Variants in NELL1 observed in about 807,000 individuals in gnomAD.
The protein encoded by NELL1 is protein kinase C-binding protein NELL1.
A neutral mutation model predicts 107.4 loss-of-function variants in NELL1; 76 were observed. The ratio of observed to expected loss-of-function variants is 0.71; its 90% CI spans 0.59 to 0.86. The LOEUF (loss-of-function observed/expected upper bound fraction) is 0.86. NELL1 is among the 40% of genes least tolerant of loss of function. The pLI, the probability that NELL1 is intolerant of heterozygous loss-of-function variation, is 0.00. For missense variants in NELL1, 1,024 were observed against 1,005.5 expected (o/e 1.02, Z -0.25); for synonymous variants, 353 against 341.2 (o/e 1.03, Z -0.38).
chr11:21,321,252 C>G (rs1850002737), intron 14 of NELL1, among the ~76,000 whole-genome samples: 1 of 152,082 alleles, frequency 6.6e-6, no homozygotes, highest in African/African-American at 2.4e-5. Flanking sequence ...CCTTCATTTC[C>G]TACCCAGCAT....
At chr11:21,146,525 AGGGAAGAAACT>A (rs1750837510) in intron 13 of NELL1, among the ~76,000 whole-genome samples, 1 of 152,154 alleles carries the variant, frequency 6.6e-6, no homozygotes, top group South Asian at 2.1e-4. Flanking sequence ...CCAAACTAGG[AGGGAAGAAACT>A]GGGAAGAATT....
At chr11:20,992,803 C>A (rs1852005842) in intron 12 of NELL1, among the ~76,000 whole-genome samples, 2 of 150,554 alleles carry the variant, frequency 1.3e-5, no homozygotes. Context: ...CAACCTCCAC[C>A]TCCTGGGTTC....
chr11:21,311,467 A>G (rs1405578277), intron 14 of NELL1, among the ~76,000 whole-genome samples: 1 of 152,086 alleles, frequency 6.6e-6, no homozygotes, highest in Non-Finnish European at 1.5e-5. Context: ...GCTTTTTTAT[A>G]TTTGCATAAA....
intron 17 of NELL1, among the ~76,000 whole-genome samples, chr11:21,563,625 G>C (rs1436223898): frequency 6.6e-6 from 1 of 151,984 alleles, no homozygotes; most frequent in Admixed American, 6.6e-5. Flanking sequence ...AAGTATATGG[G>C]AGGATATGCA....
chr11:20,783,173 G>T (rs1029365920), intron 2 of NELL1, among the ~76,000 whole-genome samples: 10 of 152,218 alleles, frequency 6.6e-5, no homozygotes, highest in Non-Finnish European at 1.3e-4. Flanking sequence ...TATATCCATT[G>T]TGGGGAGAAG....
chr11:21,313,111 T>C (rs1849786505), intron 14 of NELL1, among the ~76,000 whole-genome samples: 1 of 151,936 alleles, frequency 6.6e-6, no homozygotes. Context: ...ATGAGACAGA[T>C]CCCTTGTCAG....
chr11:20,966,668 T>C (rs2134223106), intron 12 of NELL1, among the ~76,000 whole-genome samples: 1 of 152,206 alleles, frequency 6.6e-6, no homozygotes, highest in South Asian at 2.1e-4. Flanking sequence ...TTGTTCTGGA[T>C]AACTAACATG....
intron 14 of NELL1, among the ~76,000 whole-genome samples, chr11:21,298,146 G>A (rs995315960): frequency 6.6e-6 from 1 of 151,968 alleles, no homozygotes; most frequent in Non-Finnish European, 1.5e-5. Context: ...TCTATGAAAT[G>A]TTTTTGTTTC....
chr11:20,743,409 G>A (rs1436695615), intron 2 of NELL1, among the ~76,000 whole-genome samples: 3 of 152,060 alleles, frequency 2.0e-5, no homozygotes, highest in African/African-American at 7.2e-5. Context: ...TTTGTGCAGG[G>A]AACAAGACTC....
intron 5 of NELL1, among the ~76,000 whole-genome samples, chr11:20,912,496 T>A (rs1046456282): frequency 6.6e-6 from 1 of 152,122 alleles, no homozygotes; most frequent in African/African-American, 2.4e-5. Context: ...AATAAAAAAA[T>A]GAGCCGAGGT....
intron 15 of NELL1, among the ~76,000 whole-genome samples, chr11:21,396,290 A>T (rs528885650): frequency 2.2e-4 from 33 of 151,776 alleles, no homozygotes; most frequent in Admixed American, 5.3e-4. Context: ...CCACATTTAT[A>T]TGATTTCTTA....
intron 12 of NELL1, among the ~76,000 whole-genome samples, chr11:21,036,316 G>A (rs1479378050): frequency 1.3e-5 from 2 of 152,094 alleles, no homozygotes; most frequent in Non-Finnish European, 2.9e-5. Context: ...GCCCAAAGCA[G>A]TTTATAGATT....
chr11:21,503,304 G>T (rs1443062719), intron 15 of NELL1, among the ~76,000 whole-genome samples: 3 of 152,174 alleles, frequency 2.0e-5, no homozygotes, highest in African/African-American at 7.2e-5. Context: ...TATGCTATCT[G>T]TTAAAAGAGT....
intron 15 of NELL1, among the ~76,000 whole-genome samples, chr11:21,512,612 CGTG>C (rs2133946052): frequency 6.6e-6 from 1 of 152,010 alleles, no homozygotes; most frequent in Admixed American, 6.6e-5. Flanking sequence ...TGAAAACCAA[CGTG>C]TATATTCACC....
At chr11:21,173,642 G>T (rs944441515) in intron 13 of NELL1, among the ~76,000 whole-genome samples, 1 of 151,826 alleles carries the variant, frequency 6.6e-6, no homozygotes, top group Non-Finnish European at 1.5e-5. Flanking sequence ...TCAAGAAGAG[G>T]CAAGCACATG....
intron 15 of NELL1, among the ~76,000 whole-genome samples, chr11:21,526,100 G>A (rs1238443804): frequency 2.0e-5 from 3 of 152,126 alleles, no homozygotes; most frequent in Non-Finnish European, 4.4e-5. Flanking sequence ...TCCAAAGCAA[G>A]TTACTTACCT....
intron 9 of NELL1, among the ~76,000 whole-genome samples, chr11:20,936,984 G>A (rs573795672): frequency 4.6e-5 from 7 of 152,034 alleles, no homozygotes; most frequent in African/African-American, 1.7e-4. Flanking sequence ...CAGGGCAGGA[G>A]AGGGAGTGAC....
chr11:21,223,325 GTCTT>G (rs1344083403), intron 13 of NELL1, among the ~76,000 whole-genome samples: 1 of 151,790 alleles, frequency 6.6e-6, no homozygotes, highest in Non-Finnish European at 1.5e-5. Context: ...GAGATTCTTT[GTCTT>G]TCTTTTTTCT....
chr11:21,095,405 C>T (rs763040174), intron 12 of NELL1, among the ~76,000 whole-genome samples: 40 of 152,118 alleles, frequency 2.6e-4, no homozygotes, highest in Admixed American at 3.9e-4. Flanking sequence ...GTTCCAAAGT[C>T]GCTTCCACAT....
Sources: allele counts gnomAD v4.1 joint callset (sites outside exome capture counted in the v4.1 genomes callset), GRCh38; gene constraint gnomAD v4.1.1; transcripts MANE v1.5; gene names NCBI Gene and HGNC (gene_info 2026-07-23, HGNC 2026-07-21).